Variants in MMP2 observed in about 807,000 individuals in gnomAD.
MMP2 encodes matrix metallopeptidase 2.
A neutral mutation model predicts 74.8 loss-of-function variants in MMP2; 39 were observed. The ratio of observed to expected loss-of-function variants is 0.52; its 90% CI spans 0.40 to 0.68. MMP2 has a LOEUF of 0.68. MMP2 is among the 30% of genes least tolerant of loss of function. The pLI is 0.00. For missense variants in MMP2, 803 were observed against 878.3 expected (o/e 0.91, Z 1.08); for synonymous variants, 367 against 339.8 (o/e 1.08, Z -0.88).
At chr16:55,490,797 A>G (rs1160543712) in intron 7 of MMP2, among the ~76,000 whole-genome samples, 1 of 152,176 alleles carries the variant, frequency 6.6e-6, no homozygotes, top group African/African-American at 2.4e-5. Context: ...TACCAGCTTA[A>G]AGGTGGGATT....
At position 55,498,208 on chromosome 16, in the gene MMP2, G is replaced by A. The variant is rs2287075; in HGVS notation, c.1610-81G>A. The A allele has an allele frequency of 9.7e-3, 15,289 of 1,577,144 alleles. 495 individuals carry two copies. The highest frequency in any genetic ancestry group is 0.095 in the East Asian group (4,240 of 44,718). On this transcript the variant is annotated intron_variant, in intron 10 of 12. Transcript: ENST00000219070. ...GTTGGGAATGGCTGCAGTGGGGCCC[G>A]TGGACAGACAGATGATGGGAGGAAC...
rs1962111133 is a variant in MMP2, at chr16:55,481,811, T to G, written c.154-1098T>G. 1.2e-5 allele frequency: 9 copies of G among 740,740 alleles called. No individual in the cohort carries two copies. In the South Asian group the frequency reaches 1.3e-4, roughly 11 times the overall value. 45.9% of individuals were successfully genotyped at this position (740,740 alleles called of 1,614,324 possible). On this transcript the variant is annotated intron_variant, in intron 1 of 12. Transcript: ENST00000219070. ...CAAGTGACTTCTCAGTTTCTTCATC[T>G]GCAAACTGGGAAATTTCCTATCTCA...
At chr16:55,489,005 CT>C (rs1186921237) in intron 6 of MMP2, among the ~76,000 whole-genome samples, 1 of 152,206 alleles carries the variant, frequency 6.6e-6, no homozygotes, top group African/African-American at 2.4e-5. Flanking sequence ...TCCCTTTTCT[CT>C]CAGGCTCTCT....
Position 55,485,416 on chromosome 16 carries a change from G to A in MMP2, c.647G>A (p.Gly216Glu), listed in dbSNP as rs771327309. The A allele has an allele frequency of 2.2e-5, 35 of 1,614,008 alleles. No individual in the cohort carries two copies. Among genetic ancestry groups the A allele is most frequent in the Non-Finnish European group, 2.8e-5 (33 of 1,180,028 alleles). ...HFDDDELWTL[G>E]EGQVVRVKYG... The stretch of plus-strand genomic sequence containing the variant: ...GATGACGATGAGCTATGGACCTTGG[G>A]AGAAGGCCAAGGTGAGAAAGGGGCC... The change falls in exon 4 of 13, where the codon GGA becomes GAA. Residue 216 changes from glycine (G) to glutamate (E), a missense_variant. Physicochemically the swap from Gly to Glu is moderately conservative, Grantham distance 98 (BLOSUM62 -2). Around this residue, in one of 3 missense-constraint regions of MMP2, gnomAD observed 555 missense variants for 592.0 expected, o/e 0.94. Coordinates refer to ENST00000219070, the MANE Select transcript of MMP2 (RefSeq NM_004530.6).
intron 11 of MMP2, among the ~76,000 whole-genome samples, chr16:55,499,009 A>G (rs1962599697): frequency 6.6e-6 from 1 of 152,078 alleles, no homozygotes; most frequent in African/African-American, 2.4e-5. Flanking sequence ...TCTACTAAAA[A>G]TGCAAAAAAA....
intron 8 of MMP2, among the ~76,000 whole-genome samples, chr16:55,492,371 A>G (rs1962431271): frequency 6.6e-6 from 1 of 152,146 alleles, no homozygotes; most frequent in African/African-American, 2.4e-5. Flanking sequence ...AGTTTTCATA[A>G]TAAGCTTTGA....
Position 55,506,155 on chromosome 16 carries a change from C to G in MMP2, c.*713C>G, listed in dbSNP as rs1659636591. ...ATGGAGGAAAACCAAGCCGTGGCTT[C>G]CCGCTCAGCCCTCCCTGCCCCTCCC... On this transcript the variant is annotated 3_prime_UTR_variant, in exon 13 of 13. Transcript: ENST00000219070. 1 of 152,404 alleles carries G rather than the reference C, an allele frequency of 6.6e-6. No individual in the cohort carries two copies. The highest frequency in any genetic ancestry group is 6.5e-5 in the Admixed American group (1 of 15,294). The allele number at this position is 152,404 out of a possible 1,614,324, so 9.4% of individuals were successfully genotyped here. A position where few individuals can be genotyped will look rare whatever the true frequency, so the allele number is the denominator to read the frequency against.
intron 3 of MMP2, 27 bp downstream of exon 3, chr16:55,484,191 G>A: frequency 6.2e-7 from 1 of 1,611,626 alleles, no homozygotes; most frequent in Non-Finnish European, 8.5e-7. Context: ...GCAGAAGAGG[G>A]GCCAGCAGGG....
Position 55,498,295 on chromosome 16 carries a change from A to G in MMP2, c.1616A>G (p.Glu539Gly). The change falls in exon 11 of 13, where the codon GAA becomes GGA. Residue 539 changes from glutamate (E) to glycine (G), a missense_variant. Transcript: ENST00000219070. ...EEKAVFFAGN[E>G]YWIYSASTLE... ...CCCTTTGCTTCCACCCCAGGGAATG[A>G]ATACTGGATCTACTCAGCCAGCACC... 1.9e-6 allele frequency: 3 copies of G among 1,614,160 alleles called. No individual in the cohort carries two copies. The highest frequency in any genetic ancestry group is 2.5e-6 in the Non-Finnish European group (3 of 1,180,038).
intron 11 of MMP2, among the ~76,000 whole-genome samples, chr16:55,500,025 C>T (rs1962626449): frequency 6.6e-6 from 1 of 152,068 alleles, no homozygotes; most frequent in Admixed American, 6.6e-5. Flanking sequence ...CCCCACTACT[C>T]TGCCCCCCAG....
rs557315050 is a variant in MMP2 at position 55,498,893 on chromosome 16, C to T, written c.1769+445C>T. 8.8e-4 allele frequency among the ~76,000 whole-genome samples: 134 copies of T among 152,270 alleles called. 1 individual carries two copies. The highest frequency in any genetic ancestry group is 2.0e-3 in the Admixed American group (30 of 15,298). ...GAAAGGTTAGGTAACCGTGGCTGGGCACAGTGGCTCACGCCTGTAATCCCA... is the reference window on the plus strand; with the variant it reads ...GAAAGGTTAGGTAACCGTGGCTGGGTACAGTGGCTCACGCCTGTAATCCCA... On this transcript the variant is annotated intron_variant, in intron 11 of 12. Transcript: ENST00000219070.
intron 1 of MMP2, 23 bp downstream of exon 1, chr16:55,479,655 A>C: frequency 1.9e-6 from 3 of 1,613,594 alleles, no homozygotes; most frequent in Non-Finnish European, 2.5e-6. Context: ...GCTGGCCTCA[A>C]GGAACCACGT....
At chr16:55,482,882 T>G (rs1302077507) in intron 1 of MMP2, 27 bp from the exon 2 acceptor site, 1 of 1,599,804 alleles carries the variant, frequency 6.3e-7, no homozygotes, top group South Asian at 1.1e-5. Flanking sequence ...TGTGGCTAAT[T>G]GCCTTGGGGG....
intron 5 of MMP2, chr16:55,488,339 G>C: frequency 1.6e-6 from 1 of 607,000 alleles, no homozygotes; most frequent in South Asian, 1.9e-5. Context: ...AGGTCCCACG[G>C]GAGGGATTGG....
chr16:55,479,436 A>C lies in MMP2; in HGVS notation c.-44A>C, dbSNP rs1282046956. 2.1e-6 allele frequency: 3 copies of C among 1,440,724 alleles called. No homozygotes were observed. Among genetic ancestry groups the C allele is most frequent in the Middle Eastern group, 2.3e-4 (1 of 4,360 alleles). 89.2% of individuals were successfully genotyped at this position (1,440,724 alleles called of 1,614,324 possible). On this transcript the variant is annotated 5_prime_UTR_variant, in exon 1 of 13. Transcript: ENST00000219070. ...GGCGGCGAGGCGGCCACACGCACCG[A>C]GCCAGCGACCCCCGGGCGACGCGCG...
chr16:55,493,434 TCAAA>T, intron 9 of MMP2, 141 bp downstream of exon 9: 2 of 1,162,346 alleles, frequency 1.7e-6, no homozygotes, highest in Non-Finnish European at 2.6e-6. Context: ...CTGCTGTGTA[TCAAA>T]CAACCTCCAG....
chr16:55,486,346 CCTGTGTGTGT>C lies in MMP2; in HGVS notation c.832+570_832+579del, dbSNP rs1252869568. On this transcript the variant is annotated intron_variant, in intron 5 of 12. Coordinates refer to ENST00000219070, the MANE Select transcript of MMP2 (RefSeq NM_004530.6). Reference sequence around the variant, plus strand: ...GCGTGTGTGTGTGTGTGTGTGTGTGCCTGTGTGTGTGTGTGTGTGTGTGTGTGTGTGTGTG... The same window carrying C: ...GCGTGTGTGTGTGTGTGTGTGTGTGCGTGTGTGTGTGTGTGTGTGTGTGTG... 7.3e-3 allele frequency among the ~76,000 whole-genome samples: 321 copies of C among 43,782 alleles called. 2 individuals carry two copies. The highest frequency in any genetic ancestry group is 0.028 in the East Asian group (59 of 2,126). The allele number at this position is 43,782 out of a possible 152,430, so 28.7% of individuals were successfully genotyped here.
At chr16:55,491,762 TC>T (rs1379246035) in intron 7 of MMP2, 38 bp from the exon 8 acceptor site, 1 of 1,612,976 alleles carries the variant, frequency 6.2e-7, no homozygotes. Flanking sequence ...TCATCTCTCT[TC>T]CTGTCTTTCA....
At chr16:55,490,021 C>A (rs775411145) in intron 7 of MMP2, among the ~76,000 whole-genome samples, 197 bp downstream of exon 7, 1 of 152,176 alleles carries the variant, frequency 6.6e-6, no homozygotes, top group Admixed American at 6.5e-5. Context: ...AGATCCTGCC[C>A]ATCCAGGTGG....
Sources: gnomAD v4.1 joint callset for allele counts (sites outside exome capture counted in the v4.1 genomes callset) on GRCh38, gnomAD v4.1.1 for gene constraint, gnomAD v4.1.1 regional missense constraint, MANE v1.5 for transcripts, NCBI Gene and HGNC (gene_info 2026-07-23, HGNC 2026-07-21) for gene names.